The following SIK3 variants were observed in gnomAD, a reference collection of about 807,000 sequenced individuals.
SIK3 encodes serine/threonine-protein kinase SIK3.
SIK3 carries 28 observed loss-of-function variants against 144.2 expected under a neutral mutation model. The observed-to-expected ratio is 0.19, with a 90% confidence interval of 0.14 to 0.27. The LOEUF (loss-of-function observed/expected upper bound fraction) is 0.27, where lower values mean the gene tolerates loss of function less well. Ranked by LOEUF, SIK3 falls within the 10% of genes least tolerant of loss-of-function variation. The pLI is 1.00. For missense variants in SIK3, 1,319 were observed against 1,776.0 expected, an observed-to-expected ratio of 0.74 and a Z score of 4.62; for synonymous variants, 686 against 676.3, an observed-to-expected ratio of 1.01 and a Z score of -0.22.
intron 1 of SIK3, among the ~76,000 whole-genome samples, chr11:117,088,269 G>C (rs562114020): frequency 1.3e-5 from 2 of 151,884 alleles, no homozygotes; most frequent in Admixed American, 1.3e-4. Flanking sequence ...AAAAAACTAA[G>C]GGATTTGAAT....
At chr11:116,989,282 T>G (rs1950424517) in intron 1 of SIK3, among the ~76,000 whole-genome samples, 1 of 152,136 alleles carries the variant, frequency 6.6e-6, no homozygotes, top group African/African-American at 2.4e-5. Flanking sequence ...ATCAGTAAGG[T>G]CTTTTAAAAT....
intron 1 of SIK3, among the ~76,000 whole-genome samples, chr11:116,966,073 T>C (rs1364905177): frequency 6.6e-6 from 1 of 151,994 alleles, no homozygotes; most frequent in Admixed American, 6.6e-5. Context: ...AAAAGCTAAA[T>C]GGTTTAACAA....
chr11:116,949,990 C>T (rs1948860255), intron 3 of SIK3: 2 of 405,090 alleles, frequency 4.9e-6, no homozygotes, highest in Admixed American at 5.6e-5. Flanking sequence ...ACTCTAGGAA[C>T]TGAGAGTTTG....
chr11:116,947,823 CAA>C (rs1173974256), intron 3 of SIK3, among the ~76,000 whole-genome samples: 4 of 152,106 alleles, frequency 2.6e-5, no homozygotes, highest in African/African-American at 9.6e-5. Flanking sequence ...CTCAGCCTCC[CAA>C]AGTGCTGGGA....
Position 117,098,300 on chromosome 11 carries a change from G to A in SIK3, c.116C>T (p.Ala39Val). Residue 39 changes from alanine to valine, a missense_variant, in exon 1 of 25, where the codon GCT (alanine) becomes GTT (valine). Coordinates refer to ENST00000445177, the MANE Select transcript of SIK3 (RefSeq NM_001366686.3). ...CTGGCCGGCCGCAGGGGACACGGCA[G>A]CGGGGGCGGCTGGGGACCCCGGCGC... ...PPAPGSPAAP[A>V]AVSPAAGQPR... 1 of 1,190,248 alleles carries A rather than the reference G, an allele frequency of 8.4e-7. No homozygotes were observed. The highest frequency in any genetic ancestry group is 1.0e-6 in the Non-Finnish European group (1 of 961,660). 73.7% of individuals were successfully genotyped at this position (1,190,248 alleles called of 1,614,324 possible).
chr11:116,912,426 C>G (rs74700879), intron 4 of SIK3, among the ~76,000 whole-genome samples: 3,789 of 152,328 alleles, frequency 0.025, 89 homozygotes, highest in South Asian at 0.11. Flanking sequence ...CTTATTTGGT[C>G]TACCACTTTA....
chr11:116,982,619 G>A (rs983207525), intron 1 of SIK3, among the ~76,000 whole-genome samples: 2 of 151,764 alleles, frequency 1.3e-5, no homozygotes, highest in African/African-American at 2.4e-5. Flanking sequence ...GTTCCAGAAC[G>A]TTATATGTAT....
intron 1 of SIK3, among the ~76,000 whole-genome samples, chr11:117,013,915 G>GGGGGGGTGTGTGTGT (rs1206309055): frequency 4.2e-5 from 1 of 23,614 alleles, no homozygotes; most frequent in Non-Finnish European, 1.3e-4. Context: ...GGGGGGGGAG[G>GGGGGGGTGTGTGTGT]GTGTGTGTGT....
chr11:116,979,828 C>T (rs1402773969), intron 1 of SIK3, among the ~76,000 whole-genome samples: 1 of 151,978 alleles, frequency 6.6e-6, no homozygotes, highest in East Asian at 1.9e-4. Context: ...GCCTGGCCAA[C>T]AGAGCAAGAC....
chr11:117,030,834 G>C (rs1478195015), intron 1 of SIK3, among the ~76,000 whole-genome samples: 1 of 152,048 alleles, frequency 6.6e-6, no homozygotes, highest in Non-Finnish European at 1.5e-5. Context: ...GTGCACCCAG[G>C]CTTTTTAAAA....
At chr11:116,916,811 AT>A (rs1269534948) in intron 4 of SIK3, among the ~76,000 whole-genome samples, 12 of 143,934 alleles carry the variant, frequency 8.3e-5, no homozygotes, top group Non-Finnish European at 1.1e-4. Flanking sequence ...AAAAAAAAAA[AT>A]TTTTTTTTTA....
chr11:117,087,217 G>A lies in SIK3; in HGVS notation c.273+10926C>T, dbSNP rs1388288324. Among the ~76,000 whole-genome samples the A allele has an allele frequency of 6.6e-5, 10 of 152,138 alleles. No individual in the cohort carries two copies. The East Asian group carries it at 1.7e-3, about 27-fold the overall frequency. ...CACTCTGAGAGGCTGGGGGCGGGGG[G>A]TGGATTACTTGAGGTCAGGAGTTCA... On this transcript the variant is annotated intron_variant, in intron 1 of 24. Coordinates refer to ENST00000445177, the MANE Select transcript of SIK3 (RefSeq NM_001366686.3).
At chr11:117,055,198 T>C (rs1186331301) in intron 1 of SIK3, among the ~76,000 whole-genome samples, 1 of 152,218 alleles carries the variant, frequency 6.6e-6, no homozygotes, top group Non-Finnish European at 1.5e-5. Flanking sequence ...TGTAGATTTC[T>C]AACAGGCAGC....
intron 1 of SIK3, among the ~76,000 whole-genome samples, chr11:117,003,230 C>G (rs902256655): frequency 6.6e-6 from 1 of 152,104 alleles, no homozygotes; most frequent in Non-Finnish European, 1.5e-5. Flanking sequence ...AGAATCTGAC[C>G]GGGTTTACAT....
At chr11:117,000,791 C>T (rs1419162814) in intron 1 of SIK3, among the ~76,000 whole-genome samples, 3 of 152,210 alleles carry the variant, frequency 2.0e-5, no homozygotes, top group Non-Finnish European at 2.9e-5. Context: ...CTGATGCCAG[C>T]ATCGCTGGAA....
At chr11:117,042,929 C>T (rs1334932622) in intron 1 of SIK3, among the ~76,000 whole-genome samples, 1 of 152,184 alleles carries the variant, frequency 6.6e-6, no homozygotes, top group Non-Finnish European at 1.5e-5. Context: ...TTAGCTGCCA[C>T]AGTGAAAGAT....
At chr11:116,930,413 G>A (rs1167526343) in intron 3 of SIK3, among the ~76,000 whole-genome samples, 6 of 152,190 alleles carry the variant, frequency 3.9e-5, no homozygotes, top group Admixed American at 3.9e-4. Context: ...ATATGCTCTA[G>A]AGGCAGGCAG....
chr11:116,908,592 C>A (rs951775919), intron 4 of SIK3, among the ~76,000 whole-genome samples: 1 of 151,784 alleles, frequency 6.6e-6, no homozygotes, highest in Non-Finnish European at 1.5e-5. Context: ...TCAATAAGAC[C>A]AATAGAGAAT....
intron 1 of SIK3, among the ~76,000 whole-genome samples, chr11:117,044,437 T>C (rs955646260): frequency 3.3e-5 from 5 of 152,156 alleles, no homozygotes; most frequent in Non-Finnish European, 5.9e-5. Flanking sequence ...TAATTATGAT[T>C]CATTTAGACA....
Sources: allele counts gnomAD v4.1 joint callset (sites outside exome capture counted in the v4.1 genomes callset), GRCh38; gene constraint gnomAD v4.1.1; transcripts MANE v1.5; gene names NCBI Gene and HGNC (gene_info 2026-07-23, HGNC 2026-07-21).